CXCR3: variants seen among roughly 807,000 people sequenced by gnomAD.
CXCR3 encodes the protein C-X-C chemokine receptor type 3.
For synonymous variants in CXCR3, 136 were observed against 148.0 expected, an observed-to-expected ratio of 0.92 and a Z score of 0.59; for missense variants, 239 against 310.2, an observed-to-expected ratio of 0.77 and a Z score of 1.72.
In CXCR3 at chrX:71,616,218, G is replaced by A. The variant is rs2040844665; in HGVS notation, c.*147C>T. 1 of 848,072 alleles carries A rather than the reference G, an allele frequency of 1.2e-6. No individual in the cohort carries two copies. The highest frequency in any genetic ancestry group is 2.0e-5 in the African/African-American group (1 of 48,815). 69.9% of individuals were successfully genotyped at this position (848,072 alleles called of 1,213,427 possible). A position where few individuals can be genotyped will look rare whatever the true frequency, so the allele number is the denominator to read the frequency against. On this transcript the variant is annotated 3_prime_UTR_variant, in exon 2 of 2. Transcript: ENST00000373693. The stretch of plus-strand genomic sequence containing the variant: ...TGCAGTCCTCAGAGCTGGGAGGGTG[G>A]CTTCCCGGGAGACCTGGTGGTGCTG...
chrX:71,616,224 C>T lies in CXCR3; in HGVS notation c.*141G>A, dbSNP rs921952830. The T allele has an allele frequency of 5.0e-5, 45 of 899,696 alleles. No homozygotes were observed. Among genetic ancestry groups the T allele is most frequent in the Non-Finnish European group, 6.2e-5 (42 of 676,451 alleles). The allele number at this position is 899,696 out of a possible 1,213,427, so 74.1% of individuals were successfully genotyped here. The stretch of plus-strand genomic sequence containing the variant: ...CCTCAGAGCTGGGAGGGTGGCTTCC[C>T]GGGAGACCTGGTGGTGCTGGGGCTG... On this transcript the variant is annotated 3_prime_UTR_variant, in exon 2 of 2. Coordinates refer to ENST00000373693, the MANE Select transcript of CXCR3 (RefSeq NM_001504.2).
At position 71,616,277 on chromosome X, in the gene CXCR3, G is replaced by T; in HGVS notation, c.*88C>A. 1 of 1,089,937 alleles carries T rather than the reference G, an allele frequency of 9.2e-7. No homozygotes were observed. The highest frequency in any genetic ancestry group is 3.3e-5 in the East Asian group (1 of 30,539). 89.8% of individuals were successfully genotyped at this position (1,089,937 alleles called of 1,213,427 possible). A position where few individuals can be genotyped will look rare whatever the true frequency, so the allele number is the denominator to read the frequency against. On this transcript the variant is annotated 3_prime_UTR_variant, in exon 2 of 2. Transcript: ENST00000373693. ...AGTGAGTCCCGGGAGCGAGGATATT[G>T]GGGAGAGCCAGAGCCGGCAGAGGGA... is the stretch of plus-strand genomic sequence containing the variant.
At position 71,616,350 on chromosome X, in the gene CXCR3, G is replaced by T. The variant is rs1052908969; in HGVS notation, c.*15C>A. The T allele has an allele frequency of 2.7e-5, 32 of 1,166,264 alleles. No homozygotes were observed. In the Admixed American group the frequency reaches 6.6e-4, roughly 24 times the overall value. Reference sequence around the variant, plus strand: ...AAGTCAGACTGTGGGCGAAAGGGGAGCCCGGATTCCGGCCTCACAAGCCCG... The same window carrying T: ...AAGTCAGACTGTGGGCGAAAGGGGATCCCGGATTCCGGCCTCACAAGCCCG... On this transcript the variant is annotated 3_prime_UTR_variant, in exon 2 of 2. Coordinates refer to ENST00000373693, the MANE Select transcript of CXCR3 (RefSeq NM_001504.2).
chrX:71,616,213 G>A lies in CXCR3; in HGVS notation c.*152C>T. On this transcript the variant is annotated 3_prime_UTR_variant, in exon 2 of 2. Coordinates refer to ENST00000373693, the MANE Select transcript of CXCR3 (RefSeq NM_001504.2). ...AATGGTGCAGTCCTCAGAGCTGGGAGGGTGGCTTCCCGGGAGACCTGGTGG... is the reference window on the plus strand; with the variant it reads ...AATGGTGCAGTCCTCAGAGCTGGGAAGGTGGCTTCCCGGGAGACCTGGTGG... The A allele has an allele frequency of 1.3e-6, 1 of 787,496 alleles. No individual in the cohort carries two copies. Among genetic ancestry groups the A allele is most frequent in the Non-Finnish European group, 1.7e-6 (1 of 572,774 alleles). The allele number at this position is 787,496 out of a possible 1,213,427, so 64.9% of individuals were successfully genotyped here.
At chrX:71,618,353 C>G in intron 1 of CXCR3, 85 bp downstream of exon 1, 1 of 1,208,408 alleles carries the variant, frequency 8.3e-7, no homozygotes, top group South Asian at 1.8e-5. Context: ...TGACCCTGGG[C>G]TGTGGGCCAG....
rs979816540 is a variant in CXCR3 at position 71,616,732 on chromosome X, C to T, written c.740G>A (p.Gly247Asp). 2 of 1,207,403 alleles carry T rather than the reference C, an allele frequency of 1.7e-6. No individual in the cohort carries two copies. The highest frequency in any genetic ancestry group is 1.1e-6 in the Non-Finnish European group (1 of 893,302). ...HILAVLLVSR[G>D]QRRLRAMRLV... ...CCGCATGGCCCGCAGGCGCCGCTGGCCCCTGGAAACCAGCAGCACGGCCAG... is the reference window on the plus strand; with the variant it reads ...CCGCATGGCCCGCAGGCGCCGCTGGTCCCTGGAAACCAGCAGCACGGCCAG... The change falls in exon 2 of 2, where the codon GGC becomes GAC. Residue 247 changes from glycine to aspartate, a missense_variant. Coordinates refer to ENST00000373693, the MANE Select transcript of CXCR3 (RefSeq NM_001504.2).
rs1218262665 is a variant in CXCR3, at chrX:71,617,632, G to A, written c.13-173C>T. 5.4e-6 allele frequency: 6 copies of A among 1,110,402 alleles called. No homozygotes were observed. In the African/African-American group the frequency reaches 7.5e-5, roughly 14 times the overall value. 91.5% of individuals were successfully genotyped at this position (1,110,402 alleles called of 1,213,427 possible). A position where few individuals can be genotyped will look rare whatever the true frequency, so the allele number is the denominator to read the frequency against. On this transcript the variant is annotated intron_variant, in intron 1 of 1. Coordinates refer to ENST00000373693, the MANE Select transcript of CXCR3 (RefSeq NM_001504.2). ...CTCCATCCGCTCAGCCTGGGCTCTGGGATAGTGACTTCCCTTCTCAAAGGC... is the reference window on the plus strand; with the variant it reads ...CTCCATCCGCTCAGCCTGGGCTCTGAGATAGTGACTTCCCTTCTCAAAGGC...
chrX:71,617,731 G>T (rs34405860), intron 1 of CXCR3: 1 of 1,075,624 alleles, frequency 9.3e-7, no homozygotes, highest in Non-Finnish European at 1.2e-6. Flanking sequence ...CGTCCCTCCA[G>T]TGCCCAGAGC....
Position 71,616,445 on chromosome X carries a change from C to T in CXCR3, c.1027G>A (p.Gly343Arg). The part of the protein sequence containing the change: ...LLRLGCPNQR[G>R]LQRQPSSSRR... ...GAAGACGATGGCTGCCTCTGGAGCCCTCTCTGGTTGGGGCAGCCCAGGCGC... is the reference window on the plus strand; with the variant it reads ...GAAGACGATGGCTGCCTCTGGAGCCTTCTCTGGTTGGGGCAGCCCAGGCGC... Residue 343 changes from glycine (G) to arginine (R), a missense_variant, in exon 2 of 2, where the codon GGG becomes AGG. Transcript: ENST00000373693. 2 of 1,211,131 alleles carry T rather than the reference C, an allele frequency of 1.7e-6. No individual in the cohort carries two copies. The highest frequency in any genetic ancestry group is 2.2e-6 in the Non-Finnish European group (2 of 895,109).
chrX:71,617,627 C>A, intron 1 of CXCR3, 168 bp from the exon 2 acceptor site: 1 of 1,117,871 alleles, frequency 8.9e-7, no homozygotes, highest in Non-Finnish European at 1.2e-6. Context: ...TCAGCCTGGG[C>A]TCTGGGATAG....
chrX:71,618,510 G>T lies in CXCR3; in HGVS notation c.-61C>A. The T allele has an allele frequency of 2.2e-6, 2 of 906,404 alleles. No individual in the cohort carries two copies. The highest frequency in any genetic ancestry group is 3.1e-5 in the East Asian group (1 of 32,330). The allele number at this position is 906,404 out of a possible 1,213,427, so 74.7% of individuals were successfully genotyped here. On this transcript the variant is annotated 5_prime_UTR_variant, in exon 1 of 2. Coordinates refer to ENST00000373693, the MANE Select transcript of CXCR3 (RefSeq NM_001504.2). ...TGCCTGCCCCTCTGCTTTGGTGCTTGTGGTTGGAAACCTGCAGTCACAGAG... is the reference window on the plus strand; with the variant it reads ...TGCCTGCCCCTCTGCTTTGGTGCTTTTGGTTGGAAACCTGCAGTCACAGAG...
At chrX:71,617,481 G>C (rs1276205168) in intron 1 of CXCR3, 22 bp from the exon 2 acceptor site, 2 of 1,207,289 alleles carry the variant, frequency 1.7e-6, no homozygotes, top group Non-Finnish European at 2.2e-6. Flanking sequence ...GGAACGGGGA[G>C]GAAGGGGCTG....
rs905571589 is a variant in CXCR3 at position 71,616,972 on chromosome X, C to T, written c.500G>A (p.Arg167His). The T allele has an allele frequency of 1.7e-5, 21 of 1,205,946 alleles. No homozygotes were observed. Among genetic ancestry groups the T allele is most frequent in the Admixed American group, 2.2e-5 (1 of 45,438 alleles). The change falls in exon 2 of 2, where the codon CGC becomes CAC. Residue 167 changes from arginine to histidine, a missense_variant. By Grantham distance (29) the Arg-to-His change is conservative. Transcript: ENST00000373693. ...TQLYRRGPPARVTLTCLAVWG... is the reference protein window; with the variant it reads ...TQLYRRGPPAHVTLTCLAVWG... The stretch of plus-strand genomic sequence containing the variant: ...GACAGCCAGGCAGGTGAGGGTCACG[C>T]GGGCCGGGGGCCCCCGGCGGTAGAG...
In CXCR3 at chrX:71,616,862, G is replaced by C; in HGVS notation, c.610C>G (p.Gln204Glu). ...HDERLNATHCQYNFPQVGRTA... is the reference protein window; with the variant it reads ...HDERLNATHCEYNFPQVGRTA... Reference sequence around the variant, plus strand: ...CGGCCCACCTGTGGGAAGTTGTATTGGCAGTGGGTGGCGTTGAGGCGCTCG... The same window carrying C: ...CGGCCCACCTGTGGGAAGTTGTATTCGCAGTGGGTGGCGTTGAGGCGCTCG... The change falls in exon 2 of 2, where the codon CAA (glutamine) becomes GAA (glutamate). Residue 204 changes from glutamine (Q) to glutamate (E), a missense_variant. Gln to Glu is a conservative substitution (Grantham distance 29). Transcript: ENST00000373693. The C allele has an allele frequency of 8.3e-7, 1 of 1,210,124 alleles. No individual in the cohort carries two copies. The highest frequency in any genetic ancestry group is 2.3e-4 in the Middle Eastern group (1 of 4,332).
rs937279377 is a variant in CXCR3, at chrX:71,615,970, A to C, written c.*395T>G. On this transcript the variant is annotated 3_prime_UTR_variant, in exon 2 of 2. Coordinates refer to ENST00000373693, the MANE Select transcript of CXCR3 (RefSeq NM_001504.2). Reference sequence around the variant, plus strand: ...TTTTAAGCAGGATTTTAGACATAAAAATAAAAGAGCAAATATAGAGGTCTT... The same window carrying C: ...TTTTAAGCAGGATTTTAGACATAAACATAAAAGAGCAAATATAGAGGTCTT... The C allele has an allele frequency of 6.7e-6, 1 of 149,046 alleles. No individual in the cohort carries two copies. Among genetic ancestry groups the C allele is most frequent in the African/African-American group, 3.1e-5 (1 of 32,611 alleles). 12.3% of individuals were successfully genotyped at this position (149,046 alleles called of 1,213,427 possible). A position where few individuals can be genotyped will look rare whatever the true frequency, so the allele number is the denominator to read the frequency against.
rs2147739075 is a variant in CXCR3, at chrX:71,616,490, G to T, written c.982C>A (p.Arg328=). Residue 328 remains arginine (R), a synonymous_variant, in exon 2 of 2, where the codon CGG becomes AGG. Transcript: ENST00000373693. Reference sequence around the variant, plus strand: ...AGGCGCAAGAGCAGCATCCACATCCGCTCCCGGAACTTGACCCCTACAAAG... The same window carrying T: ...AGGCGCAAGAGCAGCATCCACATCCTCTCCCGGAACTTGACCCCTACAAAG... The part of the protein sequence containing the change: ...YAFVGVKFRE[R]MWMLLLRLGC... 1 of 1,211,248 alleles carries T rather than the reference G, an allele frequency of 8.3e-7. No individual in the cohort carries two copies. Among genetic ancestry groups the T allele is most frequent in the South Asian group, 1.8e-5 (1 of 56,856 alleles).
At chrX:71,618,218 G>C in intron 1 of CXCR3, 2 of 108,991 alleles carry the variant, frequency 1.8e-5, no homozygotes, top group Non-Finnish European at 3.4e-5. Context: ...TTTTGCAGAC[G>C]AGACACCGAA....
rs199714478 is a variant in CXCR3 at position 71,616,482 on chromosome X, C to A, written c.990G>T (p.Trp330Cys). The change falls in exon 2 of 2, where the codon TGG becomes TGT. Residue 330 changes from tryptophan (W) to cysteine (C), a missense_variant. Transcript: ENST00000373693. ...FVGVKFRERM[W>C]MLLLRLGCPN... ...GGCAGCCCAGGCGCAAGAGCAGCAT[C>A]CACATCCGCTCCCGGAACTTGACCC... 114 of 1,210,055 alleles carry A rather than the reference C, an allele frequency of 9.4e-5. 1 individual carries two copies. Among genetic ancestry groups the A allele is most frequent in the Middle Eastern group, 6.9e-4 (3 of 4,374 alleles).
At position 71,617,129 on chromosome X, in the gene CXCR3, C is replaced by T. The variant is rs760864060; in HGVS notation, c.343G>A (p.Val115Ile). ...TLPLWAVDAAVQWVFGSGLCK... is the reference protein window; with the variant it reads ...TLPLWAVDAAIQWVFGSGLCK... ...AGGCCAGAGCCAAAGACCCACTGGACGGCAGCGTCCACTGCCCAGAGCGGC... is the reference window on the plus strand; with the variant it reads ...AGGCCAGAGCCAAAGACCCACTGGATGGCAGCGTCCACTGCCCAGAGCGGC... The change falls in exon 2 of 2, where the codon GTC (valine) becomes ATC (isoleucine). Residue 115 changes from valine to isoleucine, a missense_variant. By Grantham distance (29) the Val-to-Ile change is conservative (BLOSUM62 3). Transcript: ENST00000373693. The T allele has an allele frequency of 3.3e-6, 4 of 1,205,447 alleles. No homozygotes were observed. Among genetic ancestry groups the T allele is most frequent in the Non-Finnish European group, 3.4e-6 (3 of 891,308 alleles).
Sources: allele counts gnomAD v4.1 joint callset, GRCh38; gene constraint gnomAD v4.1.1; transcripts MANE v1.5; gene names NCBI Gene and HGNC (gene_info 2026-07-23, HGNC 2026-07-21).